The following PSMA1 variants were observed in gnomAD, a reference collection of about 807,000 sequenced individuals.
PSMA1 encodes the protein proteasome subunit alpha type-1.
Under a neutral mutation model 38.4 loss-of-function variants are expected in PSMA1, and 3 were observed. That is an observed-to-expected ratio of 0.08 (90% CI 0.04 to 0.20). PSMA1 has a LOEUF of 0.20. PSMA1 is among the 10% of genes least tolerant of loss of function. The pLI is 1.00. For missense variants in PSMA1, 227 were observed against 325.3 expected (o/e 0.70, Z 2.32); for synonymous variants, 101 against 107.1 (o/e 0.94, Z 0.35).
chr11:14,567,548 T>C (rs1852086559), intron 2 of PSMA1, among the ~76,000 whole-genome samples: 1 of 152,238 alleles, frequency 6.6e-6, no homozygotes, highest in Non-Finnish European at 1.5e-5. Context: ...ATCCTCATTA[T>C]TCATGAATGG....
At chr11:14,543,526 G>A (rs1222166836) in intron 2 of PSMA1, among the ~76,000 whole-genome samples, 1 of 150,774 alleles carries the variant, frequency 6.6e-6, no homozygotes, top group African/African-American at 2.4e-5. Context: ...AACTTGATTT[G>A]GTTTCTTTTT....
chr11:14,535,575 C>T (rs1589985867), intron 2 of PSMA1, among the ~76,000 whole-genome samples: 1 of 151,772 alleles, frequency 6.6e-6, no homozygotes, highest in East Asian at 1.9e-4. Context: ...TCCCGAGTAG[C>T]TGGGATTACA....
chr11:14,633,152 C>G (rs1853053867), intron 1 of PSMA1, among the ~76,000 whole-genome samples: 1 of 152,318 alleles, frequency 6.6e-6, no homozygotes, highest in East Asian at 1.9e-4. Context: ...AAGTCATTCT[C>G]CATCCAGCTT....
chr11:14,507,871 T>A, intron 8 of PSMA1, 105 bp from the exon 9 acceptor site: 1 of 780,162 alleles, frequency 1.3e-6, no homozygotes, highest in East Asian at 2.6e-5. Context: ...TATATAGCAT[T>A]TGAATAAAAC....
At chr11:14,631,466 T>C (rs550436750) in intron 1 of PSMA1, among the ~76,000 whole-genome samples, 5,301 of 152,232 alleles carry the variant, frequency 0.035, 136 homozygotes, top group Middle Eastern at 0.071. Flanking sequence ...TTCCATGTAG[T>C]TGAGCGGTTT....
At chr11:14,606,950 G>A (rs1298218634) in intron 2 of PSMA1, among the ~76,000 whole-genome samples, 5 of 152,176 alleles carry the variant, frequency 3.3e-5, no homozygotes, top group African/African-American at 1.2e-4. Flanking sequence ...CAGACCAGCT[G>A]GACCTGCTGG....
chr11:14,643,473 C>G (rs1024743442), exon 1 of PSMA1: 1 of 152,320 alleles, frequency 6.6e-6, no homozygotes, highest in Non-Finnish European at 1.5e-5. Context: ...AGAACCTGCA[C>G]GCCTGGGGTC....
intron 1 of PSMA1, among the ~76,000 whole-genome samples, chr11:14,612,129 G>GT (rs1450202120): frequency 6.6e-6 from 1 of 152,178 alleles, no homozygotes; most frequent in African/African-American, 2.4e-5. Flanking sequence ...TAGGAGGAAT[G>GT]TAACAAAACC....
chr11:14,527,516 C>T (rs2134157437), intron 2 of PSMA1, among the ~76,000 whole-genome samples: 1 of 152,274 alleles, frequency 6.6e-6, no homozygotes, highest in South Asian at 2.1e-4. Context: ...TTTCAGTGTT[C>T]CATCTGCTAT....
At chr11:14,567,244 A>C (rs910754329) in intron 2 of PSMA1, among the ~76,000 whole-genome samples, 3 of 152,100 alleles carry the variant, frequency 2.0e-5, no homozygotes, top group African/African-American at 7.2e-5. Flanking sequence ...GTGCCTCAAG[A>C]GATTGCCTCT....
At position 14,591,699 on chromosome 11, in the gene PSMA1, C is replaced by G. The variant is rs1852417609; in HGVS notation, c.21+19267G>C. Among the ~76,000 whole-genome samples the G allele has an allele frequency of 2.6e-5, 4 of 152,120 alleles. No individual in the cohort carries two copies. The South Asian group carries it at 8.3e-4, about 31-fold the overall frequency. On this transcript the variant is annotated intron_variant, in intron 2 of 10. Coordinates refer to the PSMA1 transcript ENST00000418988. ...TGTCCATACTCTGTATCTAACTAATCTGATGGGGAGGTGGAGAACCTTTGT... is the reference window on the plus strand; with the variant it reads ...TGTCCATACTCTGTATCTAACTAATGTGATGGGGAGGTGGAGAACCTTTGT...
chr11:14,565,879 T>C (rs1340764449), intron 2 of PSMA1, among the ~76,000 whole-genome samples: 1 of 152,196 alleles, frequency 6.6e-6, no homozygotes, highest in Non-Finnish European at 1.5e-5. Context: ...TCCACCACAG[T>C]TGTAGAATAA....
upstream of PSMA1, among the ~76,000 whole-genome samples, chr11:14,525,142 C>CCACT (rs1851572545): frequency 6.6e-6 from 1 of 152,122 alleles, no homozygotes; most frequent in African/African-American, 2.4e-5. Flanking sequence ...TAAAACTCCC[C>CCACT]CACTCTGGTG....
chr11:14,595,884 G>T (rs760297799), intron 2 of PSMA1, among the ~76,000 whole-genome samples: 53 of 152,190 alleles, frequency 3.5e-4, no homozygotes, highest in African/African-American at 1.2e-3. Flanking sequence ...AGGTCTAACA[G>T]TTAAGTCTTT....
chr11:14,572,608 G>A (rs1852159245), intron 2 of PSMA1, among the ~76,000 whole-genome samples: 1 of 152,146 alleles, frequency 6.6e-6, no homozygotes, highest in Admixed American at 6.5e-5. Context: ...AAAAGAACTA[G>A]AGAAGCAAGA....
At chr11:14,520,644 G>T, upstream of PSMA1, 1 of 489,822 alleles carries the variant, frequency 2.0e-6, no homozygotes, top group Non-Finnish European at 3.4e-6. Context: ...TCTCCCGCTG[G>T]CGGGCTGCAT....
At position 14,610,873 on chromosome 11, in the gene PSMA1, A is replaced by G. The variant is rs565354157; in HGVS notation, c.21+93T>C. On this transcript the variant is annotated intron_variant, in intron 2 of 10. Coordinates refer to the PSMA1 transcript ENST00000418988. ...TAGCCTAGAGATGCGTTTTTCTCACATGCTCCTCTAGGTTTTGTTTTGTGG... is the reference window on the plus strand; with the variant it reads ...TAGCCTAGAGATGCGTTTTTCTCACGTGCTCCTCTAGGTTTTGTTTTGTGG... The G allele has an allele frequency of 1.4e-5, 18 of 1,316,990 alleles. No homozygotes were observed. The African/African-American group carries it at 2.2e-4, about 16-fold the overall frequency. The allele number at this position is 1,316,990 out of a possible 1,614,324, so 81.6% of individuals were successfully genotyped here. A position where few individuals can be genotyped will look rare whatever the true frequency, so the allele number is the denominator to read the frequency against.
chr11:14,513,549 A>G (rs1589978465), intron 7 of PSMA1, 21 bp downstream of exon 7: 2 of 1,439,104 alleles, frequency 1.4e-6, no homozygotes, highest in South Asian at 3.4e-5. Flanking sequence ...AAAAAAAAAA[A>G]AAAGCAAGGC....
chr11:14,509,557 C>T (rs575129539), intron 8 of PSMA1, among the ~76,000 whole-genome samples: 47 of 151,390 alleles, frequency 3.1e-4, no homozygotes, highest in Non-Finnish European at 5.0e-4. Flanking sequence ...TGCACCGCCA[C>T]GCCCGGCTGA....
Sources: gnomAD v4.1 joint callset for allele counts (sites outside exome capture counted in the v4.1 genomes callset) on GRCh38, gnomAD v4.1.1 for gene constraint, MANE v1.5 for transcripts, NCBI Gene and HGNC (gene_info 2026-07-23, HGNC 2026-07-21) for gene names.